RALYL: variants seen among roughly 807,000 people sequenced by gnomAD.
The protein encoded by RALYL is RALY RNA binding protein like.
A neutral mutation model predicts 35.1 loss-of-function variants in RALYL; 29 were observed. The observed-to-expected ratio is 0.83, with a 90% CI of 0.61 to 1.13. The LOEUF is 1.13. Ranked by LOEUF, RALYL falls within the 50% of genes most tolerant of loss-of-function variation. The pLI, the probability that RALYL is intolerant of heterozygous loss-of-function variation, is 0.00. For missense variants in RALYL, 359 were observed against 360.4 expected (o/e 1.00, Z 0.03); for synonymous variants, 120 against 127.6 (o/e 0.94, Z 0.40).
intron 1 of RALYL, chr8:84,346,118 G>GA: frequency 1.0e-6 from 1 of 974,104 alleles, no homozygotes; most frequent in Non-Finnish European, 1.2e-6. Flanking sequence ...TTCCTTTGCA[G>GA]ATATAGCCCT....
At chr8:84,250,102 G>C (rs765286712) in intron 1 of RALYL, among the ~76,000 whole-genome samples, 1 of 151,950 alleles carries the variant, frequency 6.6e-6, no homozygotes, top group African/African-American at 2.4e-5. Flanking sequence ...AGGAAAACTA[G>C]AAATTAAATT....
intron 1 of RALYL, among the ~76,000 whole-genome samples, chr8:84,306,528 A>C (rs2132449036): frequency 6.6e-6 from 1 of 152,214 alleles, no homozygotes; most frequent in East Asian, 1.9e-4. Flanking sequence ...ACAGTGCCTG[A>C]TGCGCCTCAC....
At chr8:84,803,236 A>G (rs1563638613) in intron 3 of RALYL, among the ~76,000 whole-genome samples, 1 of 152,218 alleles carries the variant, frequency 6.6e-6, no homozygotes, top group Non-Finnish European at 1.5e-5. Flanking sequence ...TTCAAGTATT[A>G]TCAGGTGGAA....
rs180964575 is a variant in RALYL at position 84,520,911 on chromosome 8, C to T, written c.-23-8388C>T. The stretch of plus-strand genomic sequence containing the variant: ...ACAGTTTGGGGACCACTGGTTTACA[C>T]GAGCCCTCACAGAATAAATATAGCA... On this transcript the variant is annotated intron_variant, in intron 1 of 8. Coordinates refer to ENST00000521268, the MANE Select transcript of RALYL (RefSeq NM_173848.7). 1.1e-4 allele frequency among the ~76,000 whole-genome samples: 16 copies of T among 152,240 alleles called. No individual in the cohort carries two copies. The East Asian group carries it at 1.5e-3, about 15-fold the overall frequency.
intron 2 of RALYL, 107 bp downstream of exon 2, chr8:84,529,684 A>C: frequency 1.2e-6 from 1 of 822,318 alleles, no homozygotes; most frequent in Non-Finnish European, 1.8e-6. Flanking sequence ...TCTTTAACCA[A>C]TTAGAGTGAT....
chr8:84,284,166 A>T (rs1837162511), intron 1 of RALYL, among the ~76,000 whole-genome samples: 1 of 152,140 alleles, frequency 6.6e-6, no homozygotes, highest in Admixed American at 6.6e-5. Flanking sequence ...GACAAAGAAA[A>T]TATTGCGATG....
At chr8:84,467,244 G>A (rs1457561757) in intron 1 of RALYL, among the ~76,000 whole-genome samples, 3 of 151,822 alleles carry the variant, frequency 2.0e-5, no homozygotes, top group East Asian at 1.9e-4. Context: ...TAGGGTGTCA[G>A]TTTTGGATCT....
intron 1 of RALYL, among the ~76,000 whole-genome samples, chr8:84,399,221 A>G (rs999541425): frequency 6.6e-5 from 10 of 152,182 alleles, no homozygotes; most frequent in Non-Finnish European, 8.8e-5. Flanking sequence ...TAATTGCTAT[A>G]TGATAGAACA....
At chr8:84,593,447 T>G (rs1013360143) in intron 2 of RALYL, among the ~76,000 whole-genome samples, 6 of 152,100 alleles carry the variant, frequency 3.9e-5, no homozygotes, top group Admixed American at 3.3e-4. Flanking sequence ...GGAAGAATTT[T>G]CAAAAAGATC....
intron 1 of RALYL, among the ~76,000 whole-genome samples, chr8:84,419,652 C>T (rs944262379): frequency 4.0e-5 from 6 of 149,178 alleles, no homozygotes; most frequent in African/African-American, 5.0e-5. Context: ...CCCACTAACT[C>T]GTCATCTAGC....
Position 84,875,408 on chromosome 8 carries a change from C to T in RALYL, c.685+2011C>T, listed in dbSNP as rs188008156. Among the ~76,000 whole-genome samples the T allele has an allele frequency of 3.9e-5, 6 of 152,174 alleles. No homozygotes were observed. In the East Asian group the frequency reaches 7.7e-4, roughly 20 times the overall value. On this transcript the variant is annotated intron_variant, in intron 7 of 8. Transcript: ENST00000521268. Reference sequence around the variant, plus strand: ...GTTTGCTGCAATGACTAATACCTTCCATATATCTTTTTGGAAGATCATTTA... The same window carrying T: ...GTTTGCTGCAATGACTAATACCTTCTATATATCTTTTTGGAAGATCATTTA...
At chr8:84,480,985 A>G (rs1185384436) in intron 1 of RALYL, among the ~76,000 whole-genome samples, 1 of 152,146 alleles carries the variant, frequency 6.6e-6, no homozygotes, top group Non-Finnish European at 1.5e-5. Context: ...AATGTTTAGT[A>G]TTATCTGGGC....
At chr8:84,904,017 T>G (rs1039118670) in intron 8 of RALYL, among the ~76,000 whole-genome samples, 1 of 152,170 alleles carries the variant, frequency 6.6e-6, no homozygotes, top group African/African-American at 2.4e-5. Flanking sequence ...AAACCTCTTT[T>G]GGGGAGAAAG....
chr8:84,824,589 C>T (rs1829245084), intron 4 of RALYL, among the ~76,000 whole-genome samples: 1 of 152,080 alleles, frequency 6.6e-6, no homozygotes, highest in Non-Finnish European at 1.5e-5. Flanking sequence ...AAGCCAGAGG[C>T]ATTACATTAC....
chr8:84,195,822 A>G (rs1250267290), intron 1 of RALYL, among the ~76,000 whole-genome samples: 3 of 152,206 alleles, frequency 2.0e-5, no homozygotes, highest in Admixed American at 2.0e-4. Context: ...GTCTGGAAAA[A>G]AAACTGGAAG....
intron 1 of RALYL, among the ~76,000 whole-genome samples, chr8:84,268,811 T>C (rs1445303642): frequency 6.6e-6 from 1 of 152,188 alleles, no homozygotes; most frequent in East Asian, 1.9e-4. Flanking sequence ...TCTTTTGGTA[T>C]CCCGTATTTA....
At chr8:84,211,150 C>A (rs143681650) in intron 1 of RALYL, among the ~76,000 whole-genome samples, 1 of 152,020 alleles carries the variant, frequency 6.6e-6, no homozygotes, top group Non-Finnish European at 1.5e-5. Context: ...AGGTCACTTG[C>A]TCATATCTGT....
At chr8:84,483,736 G>C (rs953629858) in intron 1 of RALYL, among the ~76,000 whole-genome samples, 1 of 152,118 alleles carries the variant, frequency 6.6e-6, no homozygotes, top group African/African-American at 2.4e-5. Context: ...TTGCAAAGCT[G>C]TTCAGAGACA....
chr8:84,868,220 T>A (rs1386704271), intron 6 of RALYL, among the ~76,000 whole-genome samples: 1 of 152,158 alleles, frequency 6.6e-6, no homozygotes, highest in Non-Finnish European at 1.5e-5. Flanking sequence ...TAAAAAATTT[T>A]TTTAGAAATA....
Sources: gnomAD v4.1 joint callset for allele counts (sites outside exome capture counted in the v4.1 genomes callset) on GRCh38, gnomAD v4.1.1 for gene constraint, MANE v1.5 for transcripts, NCBI Gene and HGNC (gene_info 2026-07-23, HGNC 2026-07-21) for gene names.